CCDC92B: variants seen among roughly 807,000 people sequenced by gnomAD.
The protein encoded by CCDC92B is coiled-coil domain containing 92B, also known as coiled-coil domain-containing 92B.
CCDC92B carries 2 observed loss-of-function variants against 5.6 expected under a neutral mutation model. That is an observed-to-expected ratio of 0.36 (90% CI 0.15 to 1.12). The LOEUF (loss-of-function observed/expected upper bound fraction) is 1.12. Among genes scored for constraint, CCDC92B ranks in the 50% most tolerant of loss-of-function variants. The pLI is 0.40. For synonymous variants in CCDC92B, 115 were observed against 122.3 expected (o/e 0.94, Z 0.39); for missense variants, 271 against 262.2 (o/e 1.03, Z -0.23).
At chr17:2,729,794 C>A (rs1203294913) in intron 3 of CCDC92B, among the ~76,000 whole-genome samples, 1 of 152,164 alleles carries the variant, frequency 6.6e-6, no homozygotes, top group African/African-American at 2.4e-5. Flanking sequence ...TCCCCCAGCT[C>A]CCCCATGTTA....
chr17:2,737,322 A>G (rs2070868109), intron 1 of CCDC92B, among the ~76,000 whole-genome samples: 1 of 152,062 alleles, frequency 6.6e-6, no homozygotes, highest in Non-Finnish European at 1.5e-5. Context: ...CTTACATGTA[A>G]GACTCAGAAA....
intron 2 of CCDC92B, among the ~76,000 whole-genome samples, chr17:2,730,848 T>C (rs1165172465): frequency 6.6e-6 from 1 of 152,130 alleles, no homozygotes; most frequent in Non-Finnish European, 1.5e-5. Flanking sequence ...TGGGGTGATA[T>C]GCCAGCCAGT....
rs569985693 is a variant in CCDC92B, at chr17:2,722,022, C to A, written c.*2389G>T. 1 of 151,954 alleles carries A rather than the reference C, an allele frequency of 6.6e-6. No individual in the cohort carries two copies. Among genetic ancestry groups the A allele is most frequent in the African/African-American group, 2.4e-5 (1 of 41,310 alleles). The allele number at this position is 151,954 out of a possible 1,614,324, so 9.4% of individuals were successfully genotyped here. On this transcript the variant is annotated 3_prime_UTR_variant, in exon 4 of 4. Coordinates refer to ENST00000614400, the MANE Select transcript of CCDC92B (RefSeq NM_001355573.2). Reference sequence around the variant, plus strand: ...TAGAGCTGGGGGGAGGCCAGGCGGACGGAGCTATGGCTTTTAGTGGGTGGG... The same window carrying A: ...TAGAGCTGGGGGGAGGCCAGGCGGAAGGAGCTATGGCTTTTAGTGGGTGGG...
chr17:2,741,631 C>T (rs1412294563), intron 1 of CCDC92B, among the ~76,000 whole-genome samples: 3 of 139,296 alleles, frequency 2.2e-5, no homozygotes, highest in East Asian at 2.3e-4. Flanking sequence ...CTCGCTCTGT[C>T]GCCCAGGCTG....
Position 2,735,000 on chromosome 17 carries a change from C to A in CCDC92B, c.130+16G>T. 1 of 985,540 alleles carries A rather than the reference C, an allele frequency of 1.0e-6. No individual in the cohort carries two copies. Among genetic ancestry groups the A allele is most frequent in the Non-Finnish European group, 1.2e-6 (1 of 829,996 alleles). 61.0% of individuals were successfully genotyped at this position (985,540 alleles called of 1,614,324 possible). The stretch of plus-strand genomic sequence containing the variant: ...TGACCTCTCCCCACCCGTCCAGCCG[C>A]CTCTCCTGGCCTCACCTGAGCAGCG... On this transcript the variant is annotated intron_variant, in intron 2 of 3. Coordinates refer to ENST00000614400, the MANE Select transcript of CCDC92B (RefSeq NM_001355573.2).
chr17:2,734,979 C>T lies in CCDC92B; in HGVS notation c.130+37G>A, dbSNP rs548841682. On this transcript the variant is annotated intron_variant, in intron 2 of 3. Transcript: ENST00000614400. ...CAGTGGTTGTGATGATGACAGTGAC[C>T]TCTCCCCACCCGTCCAGCCGCCTCT... 8 of 985,400 alleles carry T rather than the reference C, an allele frequency of 8.1e-6. No homozygotes were observed. The East Asian group carries it at 7.9e-4, about 98-fold the overall frequency. The allele number at this position is 985,400 out of a possible 1,614,324, so 61.0% of individuals were successfully genotyped here. A position where few individuals can be genotyped will look rare whatever the true frequency, so the allele number is the denominator to read the frequency against.
intron 2 of CCDC92B, among the ~76,000 whole-genome samples, chr17:2,733,980 G>C (rs1423962805): frequency 6.6e-6 from 1 of 151,602 alleles, no homozygotes; most frequent in East Asian, 2.0e-4. Flanking sequence ...GGCTGGTCTT[G>C]AACTCCTGAC....
At chr17:2,734,007 A>C (rs963659403) in intron 2 of CCDC92B, among the ~76,000 whole-genome samples, 15 of 149,370 alleles carry the variant, frequency 1.0e-4, no homozygotes, top group African/African-American at 3.7e-4. Context: ...TGATCCACCC[A>C]CCTCGGCCTC....
chr17:2,749,195 G>T (rs1329261288), intron 1 of CCDC92B, among the ~76,000 whole-genome samples: 2 of 152,086 alleles, frequency 1.3e-5, no homozygotes, highest in African/African-American at 4.8e-5. Context: ...ACCTCGGGCC[G>T]CTCTGGACGC....
At position 2,739,708 on chromosome 17, in the gene CCDC92B, TGATA is replaced by T. The variant is rs942443691; in HGVS notation, c.-23-4544_-23-4541del. On this transcript the variant is annotated intron_variant, in intron 1 of 3. Coordinates refer to ENST00000614400, the MANE Select transcript of CCDC92B (RefSeq NM_001355573.2). The stretch of plus-strand genomic sequence containing the variant: ...AAAAATAGATAGATAGATAGATAGG[TGATA>T]GATAGATAGATAGAATAAAGAAATG... 2.6e-4 allele frequency among the ~76,000 whole-genome samples: 39 copies of T among 151,968 alleles called. No homozygotes were observed. The South Asian group carries it at 6.6e-3, about 26-fold the overall frequency.
Position 2,733,078 on chromosome 17 carries a change from C to A in CCDC92B, c.130+1938G>T, listed in dbSNP as rs1032586976. Among the ~76,000 whole-genome samples the A allele has an allele frequency of 3.4e-5, 5 of 147,184 alleles. 1 individual carries two copies. The highest frequency in any genetic ancestry group is 2.0e-4 in the Admixed American group (3 of 14,874). On this transcript the variant is annotated intron_variant, in intron 2 of 3. Coordinates refer to ENST00000614400, the MANE Select transcript of CCDC92B (RefSeq NM_001355573.2). ...AATAAATAACTAGTAAAAAAAAAAA[C>A]CAAGGGGTTTCAGGCCCATACCCAT... is the stretch of plus-strand genomic sequence containing the variant.
At chr17:2,736,151 C>A (rs1483574058) in intron 1 of CCDC92B, among the ~76,000 whole-genome samples, 1 of 152,062 alleles carries the variant, frequency 6.6e-6, no homozygotes, top group Non-Finnish European at 1.5e-5. Flanking sequence ...AAAGGCGGGC[C>A]GGGCGCGGTG....
intron 3 of CCDC92B, among the ~76,000 whole-genome samples, chr17:2,729,198 T>C (rs940923501): frequency 1.3e-5 from 2 of 152,082 alleles, no homozygotes; most frequent in Non-Finnish European, 1.5e-5. Flanking sequence ...ATTAAATAGT[T>C]ACTATGTCCT....
At chr17:2,746,844 G>A (rs1276719885) in intron 1 of CCDC92B, among the ~76,000 whole-genome samples, 1 of 151,880 alleles carries the variant, frequency 6.6e-6, no homozygotes, top group South Asian at 2.1e-4. Flanking sequence ...GCTATTTTTT[G>A]TATTTTTAGT....
chr17:2,740,476 A>T (rs1366772532), intron 1 of CCDC92B, among the ~76,000 whole-genome samples: 3 of 151,940 alleles, frequency 2.0e-5, no homozygotes, highest in Non-Finnish European at 4.4e-5. Flanking sequence ...AGCCTGGCCA[A>T]CATGGGTGAA....
chr17:2,727,244 AC>A (rs2070740098), intron 3 of CCDC92B, among the ~76,000 whole-genome samples: 1 of 152,096 alleles, frequency 6.6e-6, no homozygotes, highest in African/African-American at 2.4e-5. Flanking sequence ...GCAGGTTTCA[AC>A]CCTGGATAGA....
intron 2 of CCDC92B, among the ~76,000 whole-genome samples, chr17:2,731,942 G>C (rs1386217587): frequency 1.3e-5 from 2 of 152,258 alleles, no homozygotes; most frequent in Admixed American, 6.5e-5. Flanking sequence ...CTGGGCTATA[G>C]ATGAGCGTGC....
chr17:2,736,154 G>A (rs950378183), intron 1 of CCDC92B, among the ~76,000 whole-genome samples: 8 of 152,184 alleles, frequency 5.3e-5, no homozygotes, highest in African/African-American at 1.9e-4. Context: ...GGCGGGCCGG[G>A]CGCGGTGGCT....
chr17:2,739,090 G>A (rs762968124), intron 1 of CCDC92B, among the ~76,000 whole-genome samples: 6 of 147,090 alleles, frequency 4.1e-5, no homozygotes, highest in African/African-American at 7.8e-5. Context: ...TAAATAGGGC[G>A]GGCGCAATGG....
Sources: allele counts gnomAD v4.1 joint callset (sites outside exome capture counted in the v4.1 genomes callset), GRCh38; gene constraint gnomAD v4.1.1; transcripts MANE v1.5; gene names NCBI Gene and HGNC (gene_info 2026-07-23, HGNC 2026-07-21).